Variants in DLG2 observed in about 807,000 individuals in gnomAD.
DLG2 encodes discs large MAGUK scaffold protein 2.
In DLG2, 45 loss-of-function variants were observed where a neutral mutation model predicts 132.5. The ratio of observed to expected loss-of-function variants is 0.34; its 90% confidence interval spans 0.27 to 0.44. DLG2 has a LOEUF of 0.44. DLG2 is among the 20% of genes least tolerant of loss of function. The pLI is 1.00. For synonymous variants in DLG2, 424 were observed against 419.6 expected (o/e 1.01, Z -0.13); for missense variants, 1,045 against 1,196.9 (o/e 0.87, Z 1.87).
intron 3 of DLG2, among the ~76,000 whole-genome samples, chr11:85,420,180 A>C (rs1440551272): frequency 2.0e-5 from 3 of 152,160 alleles, no homozygotes; most frequent in Non-Finnish European, 4.4e-5. Context: ...TCCTTCTAAC[A>C]GTCAGGCCCC....
At chr11:84,395,574 C>T (rs2154443783) in intron 7 of DLG2, among the ~76,000 whole-genome samples, 1 of 152,258 alleles carries the variant, frequency 6.6e-6, no homozygotes, top group South Asian at 2.1e-4. Context: ...CACACCACCA[C>T]ACCTTTCTAA....
chr11:84,963,888 C>T (rs774450205), intron 6 of DLG2, among the ~76,000 whole-genome samples: 7 of 152,062 alleles, frequency 4.6e-5, no homozygotes, highest in Non-Finnish European at 7.4e-5. Flanking sequence ...ACAGGGGAAA[C>T]GGGAGGATGT....
At chr11:84,724,650 T>C (rs2062199610) in intron 6 of DLG2, among the ~76,000 whole-genome samples, 1 of 152,130 alleles carries the variant, frequency 6.6e-6, no homozygotes, top group African/African-American at 2.4e-5. Context: ...AATCACTCAA[T>C]CTTACCAAAA....
At chr11:83,908,877 G>T (rs533870134) in intron 15 of DLG2, among the ~76,000 whole-genome samples, 1 of 152,280 alleles carries the variant, frequency 6.6e-6, no homozygotes, top group African/African-American at 2.4e-5. Context: ...AGGACTATAG[G>T]CCTGTGCCAG....
chr11:84,540,334 C>G (rs923095633), intron 6 of DLG2, among the ~76,000 whole-genome samples: 1 of 142,110 alleles, frequency 7.0e-6, no homozygotes, highest in Non-Finnish European at 1.5e-5. Flanking sequence ...AGAACTTAAA[C>G]AAATTTACAA....
chr11:85,227,221 T>C (rs536883734), intron 4 of DLG2, among the ~76,000 whole-genome samples: 1 of 152,140 alleles, frequency 6.6e-6, no homozygotes, highest in East Asian at 1.9e-4. Context: ...GGTAGAAAAA[T>C]AAGCTAAGCT....
At chr11:84,546,455 C>T (rs1280928593) in intron 6 of DLG2, 4 of 218,148 alleles carry the variant, frequency 1.8e-5, no homozygotes, top group Non-Finnish European at 3.8e-5. Context: ...TCCTCTTTTC[C>T]TTATAAATTA....
chr11:84,846,217 T>C (rs1440146321), intron 6 of DLG2, among the ~76,000 whole-genome samples: 2 of 152,114 alleles, frequency 1.3e-5, no homozygotes, highest in African/African-American at 2.4e-5. Context: ...GGTTTCTATA[T>C]ATATCTACTT....
chr11:84,557,579 T>C lies in DLG2; in HGVS notation c.358-22848A>G, dbSNP rs1286739255. Reference sequence around the variant, plus strand: ...TTCTACAACATTTCATTGAGAAATTTATTTATGTTGATGTGTGCAAAACTA... The same window carrying C: ...TTCTACAACATTTCATTGAGAAATTCATTTATGTTGATGTGTGCAAAACTA... On this transcript the variant is annotated intron_variant, in intron 6 of 27. Transcript: ENST00000376104. Among the ~76,000 whole-genome samples, 3 of 152,166 alleles carry C rather than the reference T, an allele frequency of 2.0e-5. 1 individual carries two copies. In the South Asian group the frequency reaches 6.2e-4, roughly 31 times the overall value.
chr11:84,364,861 T>C (rs1049253465), intron 7 of DLG2, among the ~76,000 whole-genome samples: 7 of 152,250 alleles, frequency 4.6e-5, no homozygotes, highest in Non-Finnish European at 7.4e-5. Flanking sequence ...GGGATGAAGC[T>C]CACTTGATCA....
intron 18 of DLG2, among the ~76,000 whole-genome samples, chr11:83,766,259 A>G (rs188869549): frequency 6.6e-6 from 1 of 151,922 alleles, no homozygotes; most frequent in Non-Finnish European, 1.5e-5. Context: ...ACACCTGGCT[A>G]ATTTTTTGTA....
intron 4 of DLG2, among the ~76,000 whole-genome samples, chr11:85,207,527 C>T (rs1348943211): frequency 2.0e-5 from 3 of 152,120 alleles, no homozygotes; most frequent in African/African-American, 7.2e-5. Flanking sequence ...GTGAGGTTAC[C>T]AGTGGGTAAG....
At position 84,355,810 on chromosome 11, in the gene DLG2, T is replaced by G. The variant is rs537607378; in HGVS notation, c.520-104519A>C. On this transcript the variant is annotated intron_variant, in intron 7 of 27. Transcript: ENST00000376104. Reference sequence around the variant, plus strand: ...GTGCCAAAAGATAGATTAGAAGGGTTAGTGTATCCTGAAGGGACAGAACAT... The same window carrying G: ...GTGCCAAAAGATAGATTAGAAGGGTGAGTGTATCCTGAAGGGACAGAACAT... Among the ~76,000 whole-genome samples the G allele has an allele frequency of 2.4e-4, 36 of 152,224 alleles. 1 individual carries two copies. In the South Asian group the frequency reaches 7.5e-3, roughly 32 times the overall value.
intron 6 of DLG2, among the ~76,000 whole-genome samples, chr11:84,886,695 A>C (rs1451467048): frequency 6.6e-6 from 1 of 152,184 alleles, no homozygotes; most frequent in African/African-American, 2.4e-5. Flanking sequence ...TTGGTTGGGA[A>C]CCAATAATAA....
At chr11:84,175,307 T>C (rs2095930560) in intron 8 of DLG2, among the ~76,000 whole-genome samples, 1 of 152,154 alleles carries the variant, frequency 6.6e-6, no homozygotes, top group Admixed American at 6.6e-5. Flanking sequence ...GGGAACTATC[T>C]TTTAAATTTG....
rs1298680818 is a variant in DLG2 at position 83,787,309 on chromosome 11, CTTGTTTTTTTT to C, written c.1723-528_1723-518del. Among the ~76,000 whole-genome samples, 19 of 105,118 alleles carry C rather than the reference CTTGTTTTTTTT, an allele frequency of 1.8e-4. 1 individual carries two copies. Among genetic ancestry groups the C allele is most frequent in the Admixed American group, 1.9e-4 (2 of 10,658 alleles). 69.0% of individuals were successfully genotyped at this position (105,118 alleles called of 152,430 possible). A position where few individuals can be genotyped will look rare whatever the true frequency, so the allele number is the denominator to read the frequency against. Reference sequence around the variant, plus strand: ...TGAGCCTGGTTAGACAGCCTTAAGCCTTGTTTTTTTTTTGTTTTTTTTTTTTTTTTTAGACA... The same window carrying C: ...TGAGCCTGGTTAGACAGCCTTAAGCCTTGTTTTTTTTTTTTTTTTTAGACA... On this transcript the variant is annotated intron_variant, in intron 17 of 27. Transcript: ENST00000376104.
At chr11:84,825,948 C>G (rs1051472067) in intron 6 of DLG2, among the ~76,000 whole-genome samples, 1 of 151,838 alleles carries the variant, frequency 6.6e-6, no homozygotes. Context: ...CTCCTCCAAA[C>G]CAGAAAAACA....
chr11:84,460,368 T>C (rs2099077199), intron 7 of DLG2, among the ~76,000 whole-genome samples: 2 of 150,672 alleles, frequency 1.3e-5, no homozygotes, highest in South Asian at 4.1e-4. Flanking sequence ...GTGAAGTTAA[T>C]ATTGCTTCAT....
chr11:85,218,431 A>AGATATAC (rs1219111096), intron 4 of DLG2, among the ~76,000 whole-genome samples: 1 of 152,220 alleles, frequency 6.6e-6, no homozygotes, highest in Non-Finnish European at 1.5e-5. Context: ...TCTGAAAAGA[A>AGATATAC]GATATACAAG....
Sources: allele counts gnomAD v4.1 joint callset (sites outside exome capture counted in the v4.1 genomes callset), GRCh38; gene constraint gnomAD v4.1.1; transcripts MANE v1.5; gene names NCBI Gene and HGNC (gene_info 2026-07-23, HGNC 2026-07-21).